ALK: variants seen among roughly 807,000 people sequenced by gnomAD.
The protein encoded by ALK is ALK receptor tyrosine kinase.
A neutral mutation model predicts 163.1 loss-of-function variants in ALK; 74 were observed. The ratio of observed to expected loss-of-function variants is 0.45; its 90% CI spans 0.38 to 0.55. The LOEUF is 0.55. Ranked by LOEUF, ALK falls within the 20% of genes least tolerant of loss-of-function variation. The pLI is 0.00. For synonymous variants in ALK, 960 were observed against 843.2 expected (o/e 1.14, Z -2.40); for missense variants, 2,063 against 2,105.3 (o/e 0.98, Z 0.39).
At chr2:29,727,737 G>T (rs1275397690) in intron 1 of ALK, among the ~76,000 whole-genome samples, 1 of 152,134 alleles carries the variant, frequency 6.6e-6, no homozygotes, top group Non-Finnish European at 1.5e-5. Flanking sequence ...AAATAGATAG[G>T]CCAACAGCCT....
chr2:29,654,968 C>T (rs562625923), intron 3 of ALK, among the ~76,000 whole-genome samples: 2 of 152,186 alleles, frequency 1.3e-5, no homozygotes, highest in South Asian at 2.1e-4. Context: ...TGTCATTGTT[C>T]GCTTACTGTA....
At chr2:29,353,429 A>T (rs2148281217) in intron 5 of ALK, among the ~76,000 whole-genome samples, 1 of 152,356 alleles carries the variant, frequency 6.6e-6, no homozygotes, top group Admixed American at 6.5e-5. Flanking sequence ...AGAGCAAAAA[A>T]ATGACATGAT....
chr2:29,289,322 G>A (rs1169952124), intron 9 of ALK, among the ~76,000 whole-genome samples: 2 of 152,288 alleles, frequency 1.3e-5, no homozygotes, highest in Non-Finnish European at 2.9e-5. Context: ...TATCATCAAG[G>A]TAAGGAGAAT....
intron 4 of ALK, among the ~76,000 whole-genome samples, chr2:29,521,504 C>T (rs1039370090): frequency 6.6e-6 from 1 of 152,192 alleles, no homozygotes; most frequent in African/African-American, 2.4e-5. Flanking sequence ...AATCCCAAGG[C>T]TGCTATGGCT....
Position 29,599,842 on chromosome 2 carries a change from G to A in ALK, c.953-67726C>T, listed in dbSNP as rs191441932. 1.2e-4 allele frequency among the ~76,000 whole-genome samples: 18 copies of A among 152,282 alleles called. No individual in the cohort carries two copies. In the East Asian group the frequency reaches 1.5e-3, roughly 13 times the overall value. On this transcript the variant is annotated intron_variant, in intron 3 of 28. Transcript: ENST00000389048. ...AAAAGGAACATCAAATGGGCAATACGCCAATGCTCTTTGCCTGTAGTAAGG... is the reference window on the plus strand; with the variant it reads ...AAAAGGAACATCAAATGGGCAATACACCAATGCTCTTTGCCTGTAGTAAGG...
chr2:29,341,486 G>A (rs1378460366), intron 5 of ALK, among the ~76,000 whole-genome samples: 3 of 152,246 alleles, frequency 2.0e-5, no homozygotes, highest in Non-Finnish European at 4.4e-5. Flanking sequence ...CCAGTGGCAT[G>A]TGCCTGTAGT....
At chr2:29,310,290 A>G (rs1027730171) in intron 8 of ALK, among the ~76,000 whole-genome samples, 1 of 152,166 alleles carries the variant, frequency 6.6e-6, no homozygotes, top group African/African-American at 2.4e-5. Flanking sequence ...GTATCAATAA[A>G]TGGGGGTAAT....
At position 29,705,267 on chromosome 2, in the gene ALK, A is replaced by C. The variant is rs1362089789; in HGVS notation, c.788-10253T>G. 2.2e-3 allele frequency among the ~76,000 whole-genome samples: 121 copies of C among 55,140 alleles called. 3 individuals are homozygous for C. Among genetic ancestry groups the C allele is most frequent in the African/African-American group, 0.015 (114 of 7,474 alleles). 36.2% of individuals were successfully genotyped at this position (55,140 alleles called of 152,430 possible). A position where few individuals can be genotyped will look rare whatever the true frequency, so the allele number is the denominator to read the frequency against. ...TATATATATATATATATATATATAT[A>C]TATATATATATATAAATATATATCT... is the stretch of plus-strand genomic sequence containing the variant. On this transcript the variant is annotated intron_variant, in intron 2 of 28. Transcript: ENST00000389048.
At chr2:29,823,685 T>G (rs1665114502) in intron 1 of ALK, among the ~76,000 whole-genome samples, 1 of 152,186 alleles carries the variant, frequency 6.6e-6, no homozygotes, top group African/African-American at 2.4e-5. Flanking sequence ...TTAGGGTATC[T>G]GGTGGATGAA....
chr2:29,276,419 C>T (rs927901462), intron 9 of ALK, among the ~76,000 whole-genome samples: 7 of 152,144 alleles, frequency 4.6e-5, no homozygotes, highest in Admixed American at 3.3e-4. Context: ...GGGAAATCAT[C>T]CCATGGAAGG....
intron 1 of ALK, among the ~76,000 whole-genome samples, chr2:29,758,629 G>C (rs1310152361): frequency 6.6e-6 from 1 of 151,924 alleles, no homozygotes. Flanking sequence ...TCCCTCCTCG[G>C]CTCCCTCCTC....
chr2:29,576,067 T>C (rs76128949), intron 3 of ALK, among the ~76,000 whole-genome samples: 3,386 of 152,298 alleles, frequency 0.022, 133 homozygotes, highest in African/African-American at 0.077. Context: ...TCCCATTTCA[T>C]AATTAGCCAG....
At chr2:29,880,386 A>C (rs1167615699) in intron 1 of ALK, among the ~76,000 whole-genome samples, 5 of 152,188 alleles carry the variant, frequency 3.3e-5, no homozygotes, top group African/African-American at 1.2e-4. Flanking sequence ...GGGGTGTATC[A>C]GAGCCCTTGG....
At chr2:29,397,594 C>T (rs758683963) in intron 4 of ALK, among the ~76,000 whole-genome samples, 5 of 152,206 alleles carry the variant, frequency 3.3e-5, no homozygotes, top group Non-Finnish European at 5.9e-5. Context: ...TTGCAGACTT[C>T]GGATGAATGG....
chr2:29,747,928 G>A (rs1680249254), intron 1 of ALK, among the ~76,000 whole-genome samples: 1 of 152,144 alleles, frequency 6.6e-6, no homozygotes, highest in African/African-American at 2.4e-5. Flanking sequence ...AAGGACAGTG[G>A]GCAGACCTTT....
chr2:29,329,800 G>A (rs1365627491), intron 5 of ALK, among the ~76,000 whole-genome samples: 1 of 152,192 alleles, frequency 6.6e-6, no homozygotes, highest in Non-Finnish European at 1.5e-5. Context: ...GTTTACTTCT[G>A]GAATTTCTCC....
At chr2:29,888,227 G>A (rs1334578913) in intron 1 of ALK, among the ~76,000 whole-genome samples, 3 of 146,636 alleles carry the variant, frequency 2.0e-5, no homozygotes, top group African/African-American at 7.7e-5. Flanking sequence ...TAGACATTGA[G>A]CACATGGTCC....
intron 3 of ALK, among the ~76,000 whole-genome samples, chr2:29,600,969 G>A (rs535820641): frequency 5.9e-5 from 9 of 152,342 alleles, no homozygotes; most frequent in African/African-American, 2.2e-4. Context: ...GGTGAGGACT[G>A]CTGGGTCACC....
At chr2:29,630,032 G>A (rs1375653680) in intron 3 of ALK, among the ~76,000 whole-genome samples, 1 of 152,154 alleles carries the variant, frequency 6.6e-6, no homozygotes, top group East Asian at 1.9e-4. Context: ...AAGATATTAT[G>A]CTTTAAAGGT....
Sources: gnomAD v4.1 joint callset for allele counts (sites outside exome capture counted in the v4.1 genomes callset) on GRCh38, gnomAD v4.1.1 for gene constraint, MANE v1.5 for transcripts, NCBI Gene and HGNC (gene_info 2026-07-23, HGNC 2026-07-21) for gene names.